SYNJ1: variants seen among roughly 807,000 people sequenced by gnomAD.
The protein encoded by SYNJ1 is synaptojanin 1.
In SYNJ1, 78 loss-of-function variants were observed where a neutral mutation model predicts 168.2. That is an observed-to-expected ratio of 0.46 (90% CI 0.39 to 0.56). The LOEUF (loss-of-function observed/expected upper bound fraction) is 0.56, where lower values mean the gene tolerates loss of function less well. Ranked by LOEUF, SYNJ1 falls within the 20% of genes least tolerant of loss-of-function variation. SYNJ1 has a pLI of 0.00. For missense variants in SYNJ1, 1,303 were observed against 1,597.6 expected (o/e 0.82, Z 3.14); for synonymous variants, 539 against 548.6 (o/e 0.98, Z 0.24).
chr21:32,650,904 C>G (rs863624), intron 22 of SYNJ1, among the ~76,000 whole-genome samples: 2 of 152,154 alleles, frequency 1.3e-5, no homozygotes, highest in Admixed American at 1.3e-4. Flanking sequence ...TTTAAATCTT[C>G]AACAAAAATT....
chr21:32,637,698 G>A (rs1269182121), intron 31 of SYNJ1, among the ~76,000 whole-genome samples: 2 of 152,156 alleles, frequency 1.3e-5, no homozygotes, highest in African/African-American at 4.8e-5. Flanking sequence ...TTACAGGCAT[G>A]AGCCACCGCT....
chr21:32,705,906 G>A (rs546123580), intron 2 of SYNJ1, among the ~76,000 whole-genome samples: 406 of 152,250 alleles, frequency 2.7e-3, no homozygotes, highest in Non-Finnish European at 4.6e-3. Context: ...AAGGTTGATT[G>A]AGCCTGGGAA....
At chr21:32,652,509 A>G (rs868756676) in intron 22 of SYNJ1, among the ~76,000 whole-genome samples, 1 of 152,330 alleles carries the variant, frequency 6.6e-6, no homozygotes, top group Middle Eastern at 3.4e-3. Context: ...CCTAATACAT[A>G]CAAAGAATTT....
At chr21:32,673,762 A>C (rs2041296552) in intron 13 of SYNJ1, among the ~76,000 whole-genome samples, 1 of 151,940 alleles carries the variant, frequency 6.6e-6, no homozygotes, top group South Asian at 2.1e-4. Context: ...CATTAAATAC[A>C]ATAGCCAAAG....
intron 8 of SYNJ1, among the ~76,000 whole-genome samples, chr21:32,686,295 T>A (rs1055225251): frequency 1.3e-5 from 2 of 152,182 alleles, no homozygotes; most frequent in African/African-American, 4.8e-5. Flanking sequence ...TAAAGTATAA[T>A]CTGTTTATTA....
chr21:32,687,092 G>T lies in SYNJ1; in HGVS notation c.852-18C>A. On this transcript the variant is annotated intron_variant, in intron 7 of 32. Transcript: ENST00000674351. ...TAAAATGCCTATTTAAGAAAGAAAGGAAATAAATACATGTCAAATAAGAAG... is the reference window on the plus strand; with the variant it reads ...TAAAATGCCTATTTAAGAAAGAAAGTAAATAAATACATGTCAAATAAGAAG... The T allele has an allele frequency of 7.5e-7, 1 of 1,331,830 alleles. No homozygotes were observed. Among genetic ancestry groups the T allele is most frequent in the Non-Finnish European group, 1.0e-6 (1 of 985,898 alleles). The allele number at this position is 1,331,830 out of a possible 1,614,324, so 82.5% of individuals were successfully genotyped here.
At chr21:32,688,256 C>T (rs764222674) in intron 7 of SYNJ1, 50 bp downstream of exon 7, 8 of 1,526,090 alleles carry the variant, frequency 5.2e-6, no homozygotes, top group Non-Finnish European at 1.8e-6. Flanking sequence ...CAAGCAGTCC[C>T]ACTGCTTAGC....
At chr21:32,690,134 T>C (rs552637060) in intron 6 of SYNJ1, among the ~76,000 whole-genome samples, 1 of 152,350 alleles carries the variant, frequency 6.6e-6, no homozygotes, top group South Asian at 2.1e-4. Flanking sequence ...CACCACTCTG[T>C]TCCCCAACAC....
At chr21:32,645,423 G>A (rs3177526) in intron 25 of SYNJ1, among the ~76,000 whole-genome samples, 4 of 152,160 alleles carry the variant, frequency 2.6e-5, no homozygotes, top group Non-Finnish European at 5.9e-5. Context: ...TGGTGAGAAG[G>A]CAGCTAAAGG....
rs2040992904 is a variant in SYNJ1 at position 32,667,638 on chromosome 21, T to C, written c.1812-1065A>G. On this transcript the variant is annotated intron_variant, in intron 15 of 32. Coordinates refer to ENST00000674351, the MANE Select transcript of SYNJ1 (RefSeq NM_203446.3). Reference sequence around the variant, plus strand: ...CCAGGGCTGGAGTGCTGTGGCAGGATGTCGGTTCACTGCAACCTCTGCCTG... The same window carrying C: ...CCAGGGCTGGAGTGCTGTGGCAGGACGTCGGTTCACTGCAACCTCTGCCTG... Among the ~76,000 whole-genome samples, 4 of 152,076 alleles carry C rather than the reference T, an allele frequency of 2.6e-5. No individual in the cohort carries two copies. The South Asian group carries it at 8.3e-4, about 32-fold the overall frequency.
intron 6 of SYNJ1, among the ~76,000 whole-genome samples, chr21:32,693,416 TAAATA>T (rs1427954336): frequency 6.6e-6 from 1 of 152,254 alleles, no homozygotes; most frequent in Non-Finnish European, 1.5e-5. Context: ...TAGACTGTCT[TAAATA>T]AAATGTTACT....
At chr21:32,676,880 T>C (rs1041547691) in intron 12 of SYNJ1, among the ~76,000 whole-genome samples, 1 of 151,882 alleles carries the variant, frequency 6.6e-6, no homozygotes, top group African/African-American at 2.4e-5. Flanking sequence ...ATGGGAAAAA[T>C]GGGGTTGGGG....
intron 2 of SYNJ1, among the ~76,000 whole-genome samples, chr21:32,709,618 A>G (rs969374188): frequency 2.6e-5 from 4 of 151,430 alleles, no homozygotes; most frequent in African/African-American, 9.7e-5. Flanking sequence ...CCTGGGTTCA[A>G]GCAATTCTCC....
At chr21:32,691,275 T>G (rs182434416) in intron 6 of SYNJ1, among the ~76,000 whole-genome samples, 1 of 152,196 alleles carries the variant, frequency 6.6e-6, no homozygotes, top group African/African-American at 2.4e-5. Context: ...TACTTAAAAG[T>G]GTGTAGCACC....
At chr21:32,699,788 T>C (rs2042334579) in intron 4 of SYNJ1, 50 bp downstream of exon 4, 1 of 1,573,110 alleles carries the variant, frequency 6.4e-7, no homozygotes, top group East Asian at 2.2e-5. Context: ...ACTGAACAAC[T>C]GCTGAACATA....
rs2039735349 is a variant in SYNJ1 at position 32,639,532 on chromosome 21, C to T, written c.3697+139G>A. 13 of 663,832 alleles carry T rather than the reference C, an allele frequency of 2.0e-5. No homozygotes were observed. The South Asian group carries it at 2.1e-4, about 11-fold the overall frequency. The allele number at this position is 663,832 out of a possible 1,614,324, so 41.1% of individuals were successfully genotyped here. On this transcript the variant is annotated intron_variant, in intron 30 of 32. Transcript: ENST00000674351. ...TTAGCCGCCCGAGTAGCTGGGACCACAGGCATGTGCCATCACCCCTGGCTA... is the reference window on the plus strand; with the variant it reads ...TTAGCCGCCCGAGTAGCTGGGACCATAGGCATGTGCCATCACCCCTGGCTA...
At chr21:32,674,075 A>T (rs1338089466) in intron 13 of SYNJ1, among the ~76,000 whole-genome samples, 1 of 152,198 alleles carries the variant, frequency 6.6e-6, no homozygotes, top group Non-Finnish European at 1.5e-5. Context: ...ATCACTACTA[A>T]ATGCTTCCCA....
chr21:32,656,711 C>A lies in SYNJ1; in HGVS notation c.2771G>T (p.Ser924Ile). Residue 924 changes from serine to isoleucine, a missense_variant, in exon 21 of 33, where the codon AGT becomes ATT. Ser to Ile is a moderately radical substitution (Grantham distance 142, BLOSUM62 -2). Transcript: ENST00000674351. ...CCTTATAAGTATAACTTCACCAAAA[C>A]TTGCAAACTGCTGCAGAAGCTCATC... Reference protein sequence around the residue: ...LIDELLQQFASFGEVILIRFV... With the variant: ...LIDELLQQFAIFGEVILIRFV... 1.9e-6 allele frequency: 3 copies of A among 1,613,690 alleles called. No homozygotes were observed. The highest frequency in any genetic ancestry group is 1.7e-6 in the Non-Finnish European group (2 of 1,179,838).
rs968376869 is a variant in SYNJ1 at position 32,630,393 on chromosome 21, G to T, written c.*1412C>A. 2 of 152,252 alleles carry T rather than the reference G, an allele frequency of 1.3e-5. No individual in the cohort carries two copies. Among genetic ancestry groups the T allele is most frequent in the African/African-American group, 4.8e-5 (2 of 41,446 alleles). 9.4% of individuals were successfully genotyped at this position (152,252 alleles called of 1,614,324 possible). On this transcript the variant is annotated 3_prime_UTR_variant, in exon 33 of 33. Coordinates refer to ENST00000674351, the MANE Select transcript of SYNJ1 (RefSeq NM_203446.3). ...TTTGCAGCCATCTTTTTGGTAATGT[G>T]ATATTGAAAAAGGGACTTTGTTGGA... is the stretch of plus-strand genomic sequence containing the variant.
Sources: allele counts gnomAD v4.1 joint callset (sites outside exome capture counted in the v4.1 genomes callset), GRCh38; gene constraint gnomAD v4.1.1; transcripts MANE v1.5; gene names NCBI Gene and HGNC (gene_info 2026-07-23, HGNC 2026-07-21).